The following ELMO1 variants were observed in gnomAD, a reference collection of about 807,000 sequenced individuals.
The protein encoded by ELMO1 is engulfment and cell motility protein 1.
In ELMO1, 26 loss-of-function variants were observed where a neutral mutation model predicts 98.9. The ratio of observed to expected loss-of-function variants is 0.26; its 90% CI spans 0.19 to 0.36. The LOEUF (loss-of-function observed/expected upper bound fraction) is 0.36, where lower values mean the gene tolerates loss of function less well. Ranked by LOEUF, ELMO1 falls within the 10% of genes least tolerant of loss-of-function variation. ELMO1 has a pLI of 1.00. For synonymous variants in ELMO1, 346 were observed against 346.0 expected, an observed-to-expected ratio of 1.00 and a Z score of 0.00; for missense variants, 627 against 935.2, an observed-to-expected ratio of 0.67 and a Z score of 4.30.
At chr7:37,205,109 G>C (rs537526039) in intron 13 of ELMO1, among the ~76,000 whole-genome samples, 1 of 152,208 alleles carries the variant, frequency 6.6e-6, no homozygotes, top group African/African-American at 2.4e-5. Context: ...TTTAAGAGCA[G>C]ACTTTCTCTT....
chr7:37,230,395 A>G (rs1255882243), intron 8 of ELMO1, among the ~76,000 whole-genome samples: 1 of 152,210 alleles, frequency 6.6e-6, no homozygotes, highest in African/African-American at 2.4e-5. Flanking sequence ...CTGGTTAAGC[A>G]AGGCTCCGGG....
intron 18 of ELMO1, among the ~76,000 whole-genome samples, chr7:36,885,319 A>AAACAACAAC (rs143571798): frequency 1.1e-3 from 172 of 150,366 alleles, no homozygotes; most frequent in African/African-American, 4.1e-3. Flanking sequence ...AACATTTTTT[A>AAACAACAAC]AACAACAACA....
At chr7:37,320,108 T>A (rs571169569) in intron 2 of ELMO1, among the ~76,000 whole-genome samples, 31 of 151,660 alleles carry the variant, frequency 2.0e-4, no homozygotes, top group Admixed American at 7.2e-4. Context: ...ACAAAAAAAA[T>A]AAATAAATAA....
rs199848143 is a variant in ELMO1, at chr7:37,200,442, TTCTC to T, written c.1086+10940_1086+10943del. 7.1e-3 allele frequency among the ~76,000 whole-genome samples: 1,074 copies of T among 152,156 alleles called. 9 individuals are homozygous for T. Among genetic ancestry groups the T allele is most frequent in the African/African-American group, 0.019 (777 of 41,498 alleles). ...TTAAACATGAAGACAGTGCATGCCA[TTCTC>T]TCTGTCATTTGACCAAAAGCATCCA... On this transcript the variant is annotated intron_variant, in intron 13 of 21. Coordinates refer to ENST00000310758, the MANE Select transcript of ELMO1 (RefSeq NM_014800.11).
At chr7:36,884,605 T>C (rs745340169) in intron 18 of ELMO1, among the ~76,000 whole-genome samples, 2 of 152,202 alleles carry the variant, frequency 1.3e-5, no homozygotes, top group African/African-American at 2.4e-5. Context: ...CTCCCAGTCC[T>C]AATGTGGTTA....
chr7:37,190,711 G>A (rs1791513314), intron 13 of ELMO1, among the ~76,000 whole-genome samples: 1 of 152,008 alleles, frequency 6.6e-6, no homozygotes, highest in Non-Finnish European at 1.5e-5. Context: ...TGTTGGCCAG[G>A]CTGGTGTCAA....
chr7:37,237,538 C>T (rs987889979), intron 7 of ELMO1, among the ~76,000 whole-genome samples: 2 of 152,210 alleles, frequency 1.3e-5, no homozygotes, highest in Non-Finnish European at 2.9e-5. Context: ...GATCCGCCCG[C>T]CTCAGCCTCC....
At chr7:37,005,125 A>G (rs200924991) in intron 16 of ELMO1, among the ~76,000 whole-genome samples, 29 of 149,620 alleles carry the variant, frequency 1.9e-4, no homozygotes, top group South Asian at 4.2e-4. Flanking sequence ...AAAAAAAAAA[A>G]AAAAAAAGAA....
intron 1 of ELMO1, among the ~76,000 whole-genome samples, chr7:37,443,576 C>A (rs867531844): frequency 6.6e-6 from 1 of 152,192 alleles, no homozygotes; most frequent in Non-Finnish European, 1.5e-5. Context: ...TCGTACCGTA[C>A]CTGCACTTAT....
chr7:36,986,756 C>T (rs1791541127), intron 16 of ELMO1, among the ~76,000 whole-genome samples: 1 of 152,138 alleles, frequency 6.6e-6, no homozygotes, highest in Non-Finnish European at 1.5e-5. Flanking sequence ...CTCGCGATAC[C>T]TTGCCATGTA....
At chr7:37,033,289 C>T (rs1247325380) in intron 15 of ELMO1, 1 of 430,208 alleles carries the variant, frequency 2.3e-6, no homozygotes, top group Non-Finnish European at 4.7e-6. Context: ...GATCCTTGTG[C>T]AGTGAGCTCT....
chr7:37,230,828 T>G (rs1179243156), intron 8 of ELMO1, among the ~76,000 whole-genome samples: 1 of 152,220 alleles, frequency 6.6e-6, no homozygotes, highest in East Asian at 1.9e-4. Context: ...GAACTGATCT[T>G]AGAGAGGCAA....
rs117137405 is a variant in ELMO1 at position 37,256,434 on chromosome 7, G to A, written c.413+2747C>T. On this transcript the variant is annotated intron_variant, in intron 6 of 21. Coordinates refer to ENST00000310758, the MANE Select transcript of ELMO1 (RefSeq NM_014800.11). ...TCTAAAGAATATCTTGTCTTTGAAT[G>A]AGAAAAAAAATGTTTTCACTAGTAC... Among the ~76,000 whole-genome samples the A allele has an allele frequency of 5.3e-5, 8 of 151,534 alleles. No individual in the cohort carries two copies. In the East Asian group the frequency reaches 1.6e-3, roughly 29 times the overall value.
At chr7:37,433,139 A>C (rs1015505074) in intron 1 of ELMO1, among the ~76,000 whole-genome samples, 1 of 152,204 alleles carries the variant, frequency 6.6e-6, no homozygotes, top group Non-Finnish European at 1.5e-5. Context: ...CGAGAGTTAC[A>C]TGCCAGGCAT....
intron 15 of ELMO1, among the ~76,000 whole-genome samples, chr7:37,053,346 A>G (rs1335731153): frequency 6.6e-6 from 1 of 151,596 alleles, no homozygotes; most frequent in Non-Finnish European, 1.5e-5. Flanking sequence ...AACAACAACA[A>G]CAAAAGACTA....
intron 1 of ELMO1, among the ~76,000 whole-genome samples, chr7:37,401,231 G>A (rs767038758): frequency 2.7e-4 from 41 of 152,134 alleles, no homozygotes; most frequent in Non-Finnish European, 5.1e-4. Context: ...CAGTTTGAAA[G>A]TGATGGAATA....
chr7:37,397,372 C>T (rs1882078), intron 1 of ELMO1, among the ~76,000 whole-genome samples: 93,768 of 152,066 alleles, frequency 0.62, 29,876 homozygotes, highest in Non-Finnish European at 0.71. Context: ...GGCTCAAGCC[C>T]ATCTTTGGAC....
chr7:36,932,451 A>G (rs1786126796), intron 16 of ELMO1, among the ~76,000 whole-genome samples: 1 of 152,266 alleles, frequency 6.6e-6, no homozygotes, highest in Non-Finnish European at 1.5e-5. Context: ...GGATGAAAAA[A>G]TCTCCTGAAT....
At chr7:37,091,928 G>T (rs1485337260) in intron 15 of ELMO1, among the ~76,000 whole-genome samples, 1 of 152,088 alleles carries the variant, frequency 6.6e-6, no homozygotes, top group Non-Finnish European at 1.5e-5. Context: ...CCACACTTAC[G>T]ATTTGATTAT....
Sources: allele counts gnomAD v4.1 joint callset (sites outside exome capture counted in the v4.1 genomes callset), GRCh38; gene constraint gnomAD v4.1.1; transcripts MANE v1.5; gene names NCBI Gene and HGNC (gene_info 2026-07-23, HGNC 2026-07-21).